The following PRKDC variants were observed in gnomAD, a reference collection of about 807,000 sequenced individuals.
PRKDC encodes the protein DNA-dependent protein kinase catalytic subunit.
Under a neutral mutation model 486.9 loss-of-function variants are expected in PRKDC, and 82 were observed. That is an observed-to-expected ratio of 0.17 (90% CI 0.14 to 0.20). The LOEUF is 0.20. PRKDC is among the 10% of genes least tolerant of loss of function. The pLI, the probability that PRKDC is intolerant of heterozygous loss-of-function variation, is 1.00. For missense variants in PRKDC, 4,504 were observed against 5,038.2 expected (o/e 0.89, Z 3.21); for synonymous variants, 1,895 against 1,837.0 (o/e 1.03, Z -0.81).
intron 40 of PRKDC, among the ~76,000 whole-genome samples, chr8:47,872,769 T>TGCA (rs1163212708): frequency 8.5e-5 from 13 of 152,314 alleles, no homozygotes; most frequent in African/African-American, 2.6e-4. Context: ...CACCGGTCAC[T>TGCA]GCAGCACTCA....
At position 47,860,787 on chromosome 8, in the gene PRKDC, G is replaced by C; in HGVS notation, c.6058+112C>G. 4 of 749,708 alleles carry C rather than the reference G, an allele frequency of 5.3e-6. No individual in the cohort carries two copies. In the South Asian group the frequency reaches 6.0e-5, roughly 11 times the overall value. The allele number at this position is 749,708 out of a possible 1,614,324, so 46.4% of individuals were successfully genotyped here. ...ATTTCAATGTTTTAGGGTACTTAAAGTATTTTCTATTTACATAAAAAATAC... is the reference window on the plus strand; with the variant it reads ...ATTTCAATGTTTTAGGGTACTTAAACTATTTTCTATTTACATAAAAAATAC... On this transcript the variant is annotated intron_variant, in intron 45 of 85. Transcript: ENST00000314191.
At chr8:47,928,589 G>A (rs1563807996) in intron 19 of PRKDC, among the ~76,000 whole-genome samples, 1 of 148,794 alleles carries the variant, frequency 6.7e-6, no homozygotes, top group Non-Finnish European at 1.5e-5. Context: ...GTCTTGCTCT[G>A]TTCCCCAGGC....
At chr8:47,807,585 A>G (rs2087242539) in intron 68 of PRKDC, among the ~76,000 whole-genome samples, 1 of 149,620 alleles carries the variant, frequency 6.7e-6, no homozygotes, top group South Asian at 2.1e-4. Flanking sequence ...CACCCGGCTA[A>G]TTTTTTGTAT....
rs1246196705 is a variant in PRKDC at position 47,877,579 on chromosome 8, T to C, written c.5363+145A>G. The C allele has an allele frequency of 6.5e-6, 5 of 768,358 alleles. No homozygotes were observed. The East Asian group carries it at 1.3e-4, about 20-fold the overall frequency. The allele number at this position is 768,358 out of a possible 1,614,324, so 47.6% of individuals were successfully genotyped here. ...TGTTTGAAAATTATAATAATAAAAG[T>C]TTTGTTTTAAAGACAAAAAACTAAA... On this transcript the variant is annotated intron_variant, in intron 40 of 85. Transcript: ENST00000314191.
chr8:47,892,524 T>C lies in PRKDC; in HGVS notation c.3847+615A>G, dbSNP rs570137194. 3.3e-5 allele frequency among the ~76,000 whole-genome samples: 5 copies of C among 152,258 alleles called. No homozygotes were observed. In the East Asian group the frequency reaches 9.7e-4, roughly 29 times the overall value. Reference sequence around the variant, plus strand: ...TTTAGTATTTTTTGTACAGATAGTGTCTCGCCGTGTTGCCCAGGCTGGTCT... The same window carrying C: ...TTTAGTATTTTTTGTACAGATAGTGCCTCGCCGTGTTGCCCAGGCTGGTCT... On this transcript the variant is annotated intron_variant, in intron 31 of 85. Transcript: ENST00000314191.
At chr8:47,775,398 G>T (rs1179582613) in intron 85 of PRKDC, among the ~76,000 whole-genome samples, 3 of 133,186 alleles carry the variant, frequency 2.3e-5, no homozygotes, top group Admixed American at 7.7e-5. Context: ...TTGAGACAGG[G>T]TCTTGCTCTG....
Position 47,773,291 on chromosome 8 carries a change from T to C in PRKDC, c.*882A>G, listed in dbSNP as rs1016009449. 6 of 226,650 alleles carry C rather than the reference T, an allele frequency of 2.6e-5. No individual in the cohort carries two copies. Among genetic ancestry groups the C allele is most frequent in the Non-Finnish European group, 4.4e-5 (5 of 112,888 alleles). 14.0% of individuals were successfully genotyped at this position (226,650 alleles called of 1,614,324 possible). On this transcript the variant is annotated 3_prime_UTR_variant, in exon 86 of 86. Coordinates refer to ENST00000314191, the MANE Select transcript of PRKDC (RefSeq NM_006904.7). ...GGGACTGCACATGGGAAGGAGCCAC[T>C]TTTGTATTCCATAATTTCATCTTGT...
In PRKDC at chr8:47,888,649, T is replaced by C. The variant is rs2089388910; in HGVS notation, c.4282A>G (p.Ile1428Val). The C allele has an allele frequency of 1.9e-6, 3 of 1,577,890 alleles. No homozygotes were observed. Among genetic ancestry groups the C allele is most frequent in the Admixed American group, 1.9e-5 (1 of 52,894 alleles). The change falls in exon 34 of 86, where the codon ATT becomes GTT. Residue 1428 changes from isoleucine to valine, a missense_variant and splice_region_variant. Physicochemically the swap from Ile to Val is conservative, Grantham distance 29. Transcript: ENST00000314191. ...AAGTTGACGGCACAAAGCTCCTCAA[T>C]GCTGGCCATGTGACAAAACAGTAAA... is the stretch of plus-strand genomic sequence containing the variant. ...HLREKITAQS[I>V]EELCAVNLYG...
intron 44 of PRKDC, among the ~76,000 whole-genome samples, chr8:47,861,308 A>G (rs2154500654): frequency 6.6e-6 from 1 of 152,356 alleles, no homozygotes; most frequent in African/African-American, 2.4e-5. Context: ...TAGTTATGAT[A>G]TATCATAGTG....
chr8:47,889,241 TA>T lies in PRKDC; in HGVS notation c.4072-20del. 3.2e-6 allele frequency: 5 copies of T among 1,569,326 alleles called. No individual in the cohort carries two copies. Among genetic ancestry groups the T allele is most frequent in the Non-Finnish European group, 4.3e-6 (5 of 1,155,684 alleles). The stretch of plus-strand genomic sequence containing the variant: ...TCAGGAGCTGTAACAGATTGTTTGA[TA>T]AAAACACTTCGTCAGCCAGCACTTC... On this transcript the variant is annotated intron_variant, in intron 32 of 85. Coordinates refer to ENST00000314191, the MANE Select transcript of PRKDC (RefSeq NM_006904.7).
intron 30 of PRKDC, 125 bp downstream of exon 30, chr8:47,897,036 A>G (rs2089594142): frequency 9.0e-7 from 1 of 1,114,442 alleles, no homozygotes; most frequent in Non-Finnish European, 1.3e-6. Flanking sequence ...AACTGTTAAT[A>G]TTCTGAATCT....
At chr8:47,949,180 C>A (rs1178312051) in intron 7 of PRKDC, among the ~76,000 whole-genome samples, 3 of 152,166 alleles carry the variant, frequency 2.0e-5, no homozygotes, top group African/African-American at 4.8e-5. Flanking sequence ...ATTTAAGGAC[C>A]CTGTGATCAC....
chr8:47,879,146 CATAAA>C (rs1168856724), intron 39 of PRKDC, among the ~76,000 whole-genome samples: 1 of 152,210 alleles, frequency 6.6e-6, no homozygotes, highest in African/African-American at 2.4e-5. Flanking sequence ...CCATTTTACA[CATAAA>C]ATATTTCACA....
intron 21 of PRKDC, among the ~76,000 whole-genome samples, chr8:47,920,871 A>G (rs1029539638): frequency 2.0e-5 from 3 of 152,202 alleles, no homozygotes; most frequent in African/African-American, 4.8e-5. Context: ...AGTGGCATTA[A>G]TTACATTCAC....
chr8:47,892,711 A>C (rs1233723988), intron 31 of PRKDC, among the ~76,000 whole-genome samples: 1 of 152,184 alleles, frequency 6.6e-6, no homozygotes, highest in Non-Finnish European at 1.5e-5. Context: ...AAAAAAACTT[A>C]ATACTTTAGG....
chr8:47,808,127 A>G (rs2087253578), intron 68 of PRKDC, among the ~76,000 whole-genome samples: 1 of 152,154 alleles, frequency 6.6e-6, no homozygotes, highest in Admixed American at 6.5e-5. Flanking sequence ...TAAACAGTTT[A>G]AAATCACTGA....
intron 40 of PRKDC, among the ~76,000 whole-genome samples, chr8:47,871,500 A>G (rs932107077): frequency 1.3e-5 from 2 of 152,240 alleles, no homozygotes; most frequent in Non-Finnish European, 2.9e-5. Flanking sequence ...AATATCCTTC[A>G]AGCATGAAGA....
intron 68 of PRKDC, among the ~76,000 whole-genome samples, chr8:47,811,111 AAC>A (rs2087317364): frequency 6.6e-6 from 1 of 152,238 alleles, no homozygotes; most frequent in Non-Finnish European, 1.5e-5. Context: ...ATTCAAAGAG[AAC>A]CAGGCCTAGA....
At chr8:47,831,696 C>G in intron 60 of PRKDC, 118 bp downstream of exon 60, 4 of 1,128,706 alleles carry the variant, frequency 3.5e-6, no homozygotes, top group Non-Finnish European at 5.3e-6. Context: ...GGAGCAGTCC[C>G]GCAACCTGGT....
Sources: allele counts gnomAD v4.1 joint callset (sites outside exome capture counted in the v4.1 genomes callset), GRCh38; gene constraint gnomAD v4.1.1; transcripts MANE v1.5; gene names NCBI Gene and HGNC (gene_info 2026-07-23, HGNC 2026-07-21).